The following UNC79 variants were observed in gnomAD, a reference collection of about 807,000 sequenced individuals.
The protein encoded by UNC79 is unc-79 subunit of NALCN channel complex, also known as protein unc-79 homolog.
Under a neutral mutation model 283.1 loss-of-function variants are expected in UNC79, and 37 were observed. That is an observed-to-expected ratio of 0.13 (90% CI 0.10 to 0.17). The LOEUF (loss-of-function observed/expected upper bound fraction) is 0.17. Among genes scored for constraint, UNC79 ranks in the 10% least tolerant of loss-of-function variants. The pLI is 1.00. For synonymous variants in UNC79, 1,107 were observed against 1,200.2 expected (o/e 0.92, Z 1.61); for missense variants, 2,272 against 3,211.1 (o/e 0.71, Z 7.07).
exon 16 of UNC79, chr14:93,572,718 C>T (rs767718582): frequency 1.9e-6 from 3 of 1,614,118 alleles, no homozygotes; most frequent in Admixed American, 1.7e-5. Flanking sequence ...TGAACTCTGT[C>T]CTCTGCCTTT....
chr14:93,461,840 A>C (rs9323891), intron 1 of UNC79, among the ~76,000 whole-genome samples: 84,405 of 151,848 alleles, frequency 0.56, 23,780 homozygotes, highest in Admixed American at 0.64. Context: ...GTTTGCAAAG[A>C]CCTCCATAAT....
intron 1 of UNC79, among the ~76,000 whole-genome samples, chr14:93,449,097 C>T (rs1371640656): frequency 6.6e-6 from 1 of 152,064 alleles, no homozygotes; most frequent in Non-Finnish European, 1.5e-5. Context: ...GCAGTCTGTC[C>T]CCATCCTTTC....
At chr14:93,613,511 T>C (rs991410143) in intron 27 of UNC79, among the ~76,000 whole-genome samples, 1 of 150,662 alleles carries the variant, frequency 6.6e-6, no homozygotes, top group Non-Finnish European at 1.5e-5. Flanking sequence ...GCTTCCCGGG[T>C]TCACGCCATT....
At chr14:93,375,869 C>A (rs549840399) in intron 1 of UNC79, among the ~76,000 whole-genome samples, 23 of 152,096 alleles carry the variant, frequency 1.5e-4, no homozygotes, top group Non-Finnish European at 2.4e-4. Context: ...GAGATTTGGG[C>A]GGGAATACAG....
At chr14:93,575,183 C>A (rs765520969) in exon 17 of UNC79, 1 of 1,613,720 alleles carries the variant, frequency 6.2e-7, no homozygotes, top group Non-Finnish European at 8.5e-7. Context: ...TGGCAGGGAA[C>A]CTTGCATCTC....
At chr14:93,465,550 G>T (rs1028840743) in intron 1 of UNC79, among the ~76,000 whole-genome samples, 1 of 152,156 alleles carries the variant, frequency 6.6e-6, no homozygotes, top group Admixed American at 6.5e-5. Flanking sequence ...GTGCATATTT[G>T]GGTACCTGTG....
intron 47 of UNC79, among the ~76,000 whole-genome samples, chr14:93,697,593 G>C (rs1452988193): frequency 6.6e-6 from 1 of 152,036 alleles, no homozygotes; most frequent in Non-Finnish European, 1.5e-5. Context: ...TTTAAAATTG[G>C]TTTGTCAATT....
chr14:93,559,527 G>C (rs111947225), intron 14 of UNC79, among the ~76,000 whole-genome samples: 12,102 of 152,114 alleles, frequency 0.08, 554 homozygotes, highest in Middle Eastern at 0.17. Flanking sequence ...CATTTTATAG[G>C]ATTTGGGTAG....
In UNC79 at chr14:93,531,976, T is replaced by C. The variant is rs1269949762; in HGVS notation, c.1094-574T>C. ...ATTAAATTATTTGTAAAAGTAGCAG[T>C]GTGCAGGTGTTTTTAACCTCACTAA... On this transcript the variant is annotated intron_variant, in intron 10 of 48. Coordinates refer to ENST00000555664, the Ensembl canonical transcript of UNC79. This position sits in a 1 kb window ranked among gnomAD's most constrained non-coding sequence, Gnocchi z 4.2. Among the ~76,000 whole-genome samples the C allele has an allele frequency of 6.6e-6, 1 of 152,202 alleles. No homozygotes were observed. The highest frequency in any genetic ancestry group is 1.5e-5 in the Non-Finnish European group (1 of 68,040).
At chr14:93,542,368 A>G (rs192918263) in intron 13 of UNC79, 98 bp from the exon 14 acceptor site, 7 of 1,206,350 alleles carry the variant, frequency 5.8e-6, no homozygotes, top group East Asian at 2.6e-5. Flanking sequence ...ATTATCTGGG[A>G]TATCTTTTTA....
In UNC79 at chr14:93,640,558, G is replaced by A. The variant is rs529607767; in HGVS notation, c.5801-587G>A. Among the ~76,000 whole-genome samples the A allele has an allele frequency of 2.6e-4, 40 of 152,324 alleles. 1 individual carries two copies. The highest frequency in any genetic ancestry group is 7.7e-4 in the African/African-American group (32 of 41,576). On this transcript the variant is annotated intron_variant, in intron 32 of 48. Coordinates refer to ENST00000555664, the Ensembl canonical transcript of UNC79. ...TGGGAGGATTGCTTCAGCCTGGGAG[G>A]TTGAGGCTGCAGTGAGCTGTGCTCA...
chr14:93,612,802 C>A (rs2139762556), exon 27 of UNC79: 1 of 1,612,738 alleles, frequency 6.2e-7, no homozygotes. Context: ...GACAGGACAA[C>A]AATCTCCTGA....
intron 33 of UNC79, among the ~76,000 whole-genome samples, chr14:93,642,927 CA>C (rs2069207110): frequency 6.6e-6 from 1 of 152,148 alleles, no homozygotes; most frequent in South Asian, 2.1e-4. Context: ...TAGGACACTA[CA>C]AAGAGCGGTA....
chr14:93,676,260 A>G (rs1009642429), intron 41 of UNC79, among the ~76,000 whole-genome samples: 24 of 152,210 alleles, frequency 1.6e-4, no homozygotes, highest in Admixed American at 1.6e-3. Flanking sequence ...GGGATTGGCC[A>G]TGTTGCGCAG....
chr14:93,398,486 C>CA (rs2055042547), intron 1 of UNC79, among the ~76,000 whole-genome samples: 1 of 152,160 alleles, frequency 6.6e-6, no homozygotes, highest in African/African-American at 2.4e-5. Flanking sequence ...TTAACAGGCC[C>CA]AGGCAATTGG....
chr14:93,341,047 C>T (rs2053697590), intron 1 of UNC79, among the ~76,000 whole-genome samples: 1 of 152,128 alleles, frequency 6.6e-6, no homozygotes, highest in African/African-American at 2.4e-5. Context: ...TGGAATTTGA[C>T]CTTTGATCTT....
chr14:93,533,360 AAT>A (rs1397929559), intron 11 of UNC79, among the ~76,000 whole-genome samples: 3 of 152,176 alleles, frequency 2.0e-5, no homozygotes, highest in Non-Finnish European at 4.4e-5. Flanking sequence ...TATGGCAACC[AAT>A]TATTTAATCA....
intron 3 of UNC79, among the ~76,000 whole-genome samples, chr14:93,477,255 CA>C (rs1393614212): frequency 6.6e-6 from 1 of 152,146 alleles, no homozygotes; most frequent in Non-Finnish European, 1.5e-5. Flanking sequence ...TCTTGTGCCT[CA>C]GTTATCTTGT....
chr14:93,433,226 T>G (rs2140099976), intron 1 of UNC79, among the ~76,000 whole-genome samples: 1 of 152,194 alleles, frequency 6.6e-6, no homozygotes, highest in Admixed American at 6.5e-5. Context: ...GTCTTAAGGG[T>G]TTGGAGGGCA....
Sources: gnomAD v4.1 joint callset for allele counts (sites outside exome capture counted in the v4.1 genomes callset) on GRCh38, gnomAD v4.1.1 for gene constraint, Gnocchi (gnomAD v3.1) non-coding constraint, MANE v1.5 for transcripts, NCBI Gene and HGNC (gene_info 2026-07-23, HGNC 2026-07-21) for gene names.